The following PCDH11X variants were observed in gnomAD, a reference collection of about 807,000 sequenced individuals.
The protein encoded by PCDH11X is protocadherin 11 X-linked, also known as protocadherin-11 X-linked.
In PCDH11X, 18 loss-of-function variants were observed where a neutral mutation model predicts 53.3. The observed-to-expected ratio is 0.34, with a 90% CI of 0.23 to 0.50. The LOEUF (loss-of-function observed/expected upper bound fraction) is 0.50. PCDH11X is among the 20% of genes least tolerant of loss of function. The pLI is 0.98. For synonymous variants in PCDH11X, 279 were observed against 393.3 expected, an observed-to-expected ratio of 0.71 and a Z score of 3.44; for missense variants, 570 against 1,032.4, an observed-to-expected ratio of 0.55 and a Z score of 6.14.
rs185318765 is a variant in PCDH11X at position 92,174,077 on chromosome X, C to T, written c.3034-27298C>T. Among the ~76,000 whole-genome samples, 277 of 98,695 alleles carry T rather than the reference C, an allele frequency of 2.8e-3. 3 individuals are homozygous for T. The highest frequency in any genetic ancestry group is 0.024 in the Admixed American group (209 of 8,878). 85.7% of individuals were successfully genotyped at this position (98,695 alleles called of 115,157 possible). The stretch of plus-strand genomic sequence containing the variant: ...TAAACAAGAGGCTTTGTTAGAAAGA[C>T]GATAAAGATCAAAGCAGACCTATTA... On this transcript the variant is annotated intron_variant, in intron 6 of 10. Transcript: ENST00000682573.
chrX:92,227,261 T>A (rs2066987863), intron 7 of PCDH11X, among the ~76,000 whole-genome samples: 1 of 111,550 alleles, frequency 9.0e-6, no homozygotes, highest in African/African-American at 3.3e-5. Flanking sequence ...TCCTATAAAA[T>A]ATACTAGTTT....
At chrX:92,114,241 G>A in intron 6 of PCDH11X, 1 of 982,501 alleles carries the variant, frequency 1.0e-6, no homozygotes, top group East Asian at 3.1e-5. Flanking sequence ...TCAGGCTTGA[G>A]CGATTACATT....
intron 8 of PCDH11X, among the ~76,000 whole-genome samples, chrX:92,310,816 A>G (rs2068932348): frequency 8.9e-6 from 1 of 112,467 alleles, no homozygotes; most frequent in South Asian, 3.7e-4. Context: ...CTTTTACAAA[A>G]TTTTGAGAAA....
chrX:91,842,908 G>A (rs1316576037), intron 5 of PCDH11X, among the ~76,000 whole-genome samples: 4 of 97,372 alleles, frequency 4.1e-5, no homozygotes, highest in Admixed American at 1.2e-4. Context: ...ATTTTATGTA[G>A]AGTATTATCA....
chrX:92,540,905 G>C (rs1274170541), intron 10 of PCDH11X, among the ~76,000 whole-genome samples: 5 of 108,252 alleles, frequency 4.6e-5, no homozygotes, highest in Non-Finnish European at 9.5e-5. Context: ...TTCTGTGGCT[G>C]AGCTGGCATC....
At chrX:92,476,025 T>G (rs1305520867) in intron 10 of PCDH11X, among the ~76,000 whole-genome samples, 1 of 111,761 alleles carries the variant, frequency 8.9e-6, no homozygotes, top group Non-Finnish European at 1.9e-5. Context: ...CTCCCATAAT[T>G]CCCATGGGTT....
At chrX:92,332,218 A>G in intron 8 of PCDH11X, among the ~76,000 whole-genome samples, 1 of 112,578 alleles carries the variant, frequency 8.9e-6, no homozygotes, top group Non-Finnish European at 1.9e-5. Context: ...TGTGACTTGT[A>G]TAAATAAGAA....
intron 6 of PCDH11X, among the ~76,000 whole-genome samples, chrX:92,078,117 A>T (rs1474047797): frequency 9.2e-6 from 1 of 109,128 alleles, no homozygotes; most frequent in Non-Finnish European, 1.9e-5. Flanking sequence ...TGTTATCACC[A>T]GTTATAAAAA....
At chrX:92,178,731 T>C (rs770415675) in intron 6 of PCDH11X, among the ~76,000 whole-genome samples, 67 of 111,867 alleles carry the variant, frequency 6.0e-4, no homozygotes, top group Non-Finnish European at 1.2e-3. Context: ...ATACAGATAT[T>C]TCTTAAGTTT....
At chrX:92,433,241 C>T (rs762370731) in intron 9 of PCDH11X, among the ~76,000 whole-genome samples, 3 of 111,499 alleles carry the variant, frequency 2.7e-5, no homozygotes, top group African/African-American at 9.7e-5. Context: ...TTTAAAGCTT[C>T]AGTATCTTGT....
At chrX:91,947,530 A>G (rs2061591737) in intron 6 of PCDH11X, among the ~76,000 whole-genome samples, 1 of 96,433 alleles carries the variant, frequency 1.0e-5, no homozygotes, top group African/African-American at 3.8e-5. Context: ...TTGTAGCTAA[A>G]AGTTGATATT....
At position 91,822,564 on chromosome X, in the gene PCDH11X, T is replaced by G. The variant is rs1458571279; in HGVS notation, c.-45+11269T>G. Among the ~76,000 whole-genome samples the G allele has an allele frequency of 7.4e-5, 8 of 108,249 alleles. No individual in the cohort carries two copies. In the Middle Eastern group the frequency reaches 0.014, roughly 191 times the overall value. The allele number at this position is 108,249 out of a possible 115,157, so 94.0% of individuals were successfully genotyped here. ...TTGCGTCTATTTGATTCTTCTCTCT[T>G]TTTTTCTTTATTAGTCTTGCTAGCA... On this transcript the variant is annotated intron_variant, in intron 4 of 10. Transcript: ENST00000682573.
chrX:91,872,545 C>A (rs922772677), intron 5 of PCDH11X, among the ~76,000 whole-genome samples: 22 of 110,759 alleles, frequency 2.0e-4, no homozygotes, highest in African/African-American at 6.9e-4. Context: ...AAGCTTCATG[C>A]CATATTACCC....
intron 10 of PCDH11X, among the ~76,000 whole-genome samples, chrX:92,587,925 A>T (rs2148794380): frequency 9.0e-6 from 1 of 111,050 alleles, no homozygotes; most frequent in African/African-American, 3.3e-5. Context: ...ACTGCATCAC[A>T]ATTTTCCTAG....
At chrX:92,448,613 G>A (rs1322638624) in intron 9 of PCDH11X, among the ~76,000 whole-genome samples, 13 of 95,065 alleles carry the variant, frequency 1.4e-4, no homozygotes, top group African/African-American at 5.1e-4. Flanking sequence ...CAGGTATGTC[G>A]TTATTAGCAG....
chrX:92,288,785 G>A (rs1176888674), intron 8 of PCDH11X, among the ~76,000 whole-genome samples: 1 of 108,572 alleles, frequency 9.2e-6, no homozygotes, highest in African/African-American at 3.4e-5. Flanking sequence ...CATGTACCAG[G>A]TTTTATATCA....
chrX:92,013,569 T>G (rs2062731493), intron 6 of PCDH11X, among the ~76,000 whole-genome samples: 1 of 111,712 alleles, frequency 9.0e-6, no homozygotes, highest in Admixed American at 9.5e-5. Flanking sequence ...GAGCCTGCAT[T>G]GACAAGTCAA....
At chrX:92,277,514 C>T (rs760494887) in intron 8 of PCDH11X, among the ~76,000 whole-genome samples, 16 of 105,513 alleles carry the variant, frequency 1.5e-4, no homozygotes, top group Middle Eastern at 4.8e-3. Context: ...TTGCCTATAG[C>T]GAAGGAAGCA....
intron 6 of PCDH11X, among the ~76,000 whole-genome samples, chrX:92,142,225 C>T (rs1252061192): frequency 1.9e-5 from 2 of 106,982 alleles, no homozygotes; most frequent in Non-Finnish European, 3.9e-5. Context: ...GGAGCAATCT[C>T]GGCTCACTGC....
Sources: gnomAD v4.1 joint callset for allele counts (sites outside exome capture counted in the v4.1 genomes callset) on GRCh38, gnomAD v4.1.1 for gene constraint, MANE v1.5 for transcripts, NCBI Gene and HGNC (gene_info 2026-07-23, HGNC 2026-07-21) for gene names.